Variants in SMARCC1 observed in about 807,000 individuals in gnomAD.
SMARCC1 encodes the protein SWI/SNF related BAF chromatin remodeling complex subunit C1.
A neutral mutation model predicts 147.4 loss-of-function variants in SMARCC1; 43 were observed. That is an observed-to-expected ratio of 0.29 (90% CI 0.23 to 0.38). The LOEUF (loss-of-function observed/expected upper bound fraction) is 0.38. SMARCC1 is among the 10% of genes least tolerant of loss of function. SMARCC1 has a pLI of 1.00. For synonymous variants in SMARCC1, 495 were observed against 484.4 expected (o/e 1.02, Z -0.29); for missense variants, 1,119 against 1,381.1 (o/e 0.81, Z 3.01).
At position 47,638,782 on chromosome 3, in the gene SMARCC1, T is replaced by G; in HGVS notation, c.2321-2A>C. ...CCATTTTTTCCTCTTCAGCTCCTTC[T>G]ACAAGTAAAAGAATAAGAACAAGTA... On this transcript the variant is annotated splice_acceptor_variant, in intron 21 of 27. Transcript: ENST00000254480. LOFTEE classifies it high-confidence loss of function. 1 of 1,608,946 alleles carries G rather than the reference T, an allele frequency of 6.2e-7. No individual in the cohort carries two copies. Among genetic ancestry groups the G allele is most frequent in the South Asian group, 1.1e-5 (1 of 90,974 alleles).
At chr3:47,650,202 A>C (rs1047492905) in intron 21 of SMARCC1, among the ~76,000 whole-genome samples, 1 of 151,476 alleles carries the variant, frequency 6.6e-6, no homozygotes. Flanking sequence ...CGAGAACCCC[A>C]GAGGCGGAGC....
At chr3:47,761,996 G>A (rs989083166) in intron 2 of SMARCC1, among the ~76,000 whole-genome samples, 1 of 152,082 alleles carries the variant, frequency 6.6e-6, no homozygotes, top group African/African-American at 2.4e-5. Context: ...TGACCAGCCT[G>A]GTCCAGAACT....
chr3:47,650,811 C>G (rs2033180574), intron 21 of SMARCC1, among the ~76,000 whole-genome samples: 1 of 139,180 alleles, frequency 7.2e-6, no homozygotes, highest in Non-Finnish European at 1.6e-5. Flanking sequence ...AAGACCCTGT[C>G]TCTTTAAAAA....
intron 11 of SMARCC1, among the ~76,000 whole-genome samples, chr3:47,695,597 T>C (rs1344904315): frequency 6.6e-6 from 1 of 151,352 alleles, no homozygotes; most frequent in Non-Finnish European, 1.5e-5. Context: ...TGAAACCCTG[T>C]CTCTACTAAA....
intron 24 of SMARCC1, among the ~76,000 whole-genome samples, chr3:47,630,814 G>A (rs1162456804): frequency 2.6e-5 from 4 of 152,194 alleles, no homozygotes; most frequent in African/African-American, 9.7e-5. Context: ...GGTAATCCCA[G>A]GACATTGGGA....
intron 2 of SMARCC1, among the ~76,000 whole-genome samples, chr3:47,757,866 C>G (rs1031308460): frequency 2.6e-5 from 4 of 151,304 alleles, no homozygotes; most frequent in African/African-American, 9.7e-5. Context: ...ATTGGTAGAA[C>G]TGCTGTGGAA....
intron 2 of SMARCC1, among the ~76,000 whole-genome samples, chr3:47,752,263 C>T (rs192961305): frequency 5.9e-5 from 9 of 152,088 alleles, no homozygotes; most frequent in Non-Finnish European, 4.4e-5. Flanking sequence ...CAAATGAAAA[C>T]GTGAGAAATC....
intron 21 of SMARCC1, among the ~76,000 whole-genome samples, chr3:47,644,279 G>A (rs2033089960): frequency 6.6e-6 from 1 of 151,992 alleles, no homozygotes; most frequent in Non-Finnish European, 1.5e-5. Flanking sequence ...CCAAGAGTTC[G>A]AGACCAGCCT....
intron 26 of SMARCC1, among the ~76,000 whole-genome samples, chr3:47,600,997 A>AGGAGAGAGAG (rs1559622849): frequency 6.9e-5 from 2 of 28,880 alleles, no homozygotes; most frequent in African/African-American, 1.5e-4. Flanking sequence ...GAGGAAGAAA[A>AGGAGAGAGAG]TGAGAGAGAG....
At chr3:47,664,996 AT>A (rs34171401) in intron 19 of SMARCC1, among the ~76,000 whole-genome samples, 1 of 151,496 alleles carries the variant, frequency 6.6e-6, no homozygotes, top group African/African-American at 2.4e-5. Flanking sequence ...TACTTCAAAG[AT>A]TTTTTTTTCT....
At chr3:47,713,711 A>G (rs2034119686) in intron 8 of SMARCC1, among the ~76,000 whole-genome samples, 1 of 152,144 alleles carries the variant, frequency 6.6e-6, no homozygotes, top group Non-Finnish European at 1.5e-5. Context: ...TTCCACATCA[A>G]AAGTTGATTA....
intron 2 of SMARCC1, among the ~76,000 whole-genome samples, chr3:47,769,042 C>G (rs2034874896): frequency 6.7e-6 from 1 of 150,272 alleles, no homozygotes; most frequent in Admixed American, 6.7e-5. Flanking sequence ...GAAACCTTGT[C>G]TCTACTAAAA....
intron 12 of SMARCC1, among the ~76,000 whole-genome samples, chr3:47,692,243 G>A (rs987612630): frequency 1.3e-5 from 2 of 152,102 alleles, no homozygotes; most frequent in African/African-American, 4.8e-5. Context: ...CCTATTTAAT[G>A]TTTAAGGAGA....
chr3:47,781,355 G>A (rs1176359516), intron 1 of SMARCC1, among the ~76,000 whole-genome samples: 1 of 152,230 alleles, frequency 6.6e-6, no homozygotes, highest in East Asian at 1.9e-4. Flanking sequence ...ACCTGCTCTG[G>A]CACACGAGAC....
intron 19 of SMARCC1, among the ~76,000 whole-genome samples, chr3:47,664,473 T>C (rs945282624): frequency 6.6e-6 from 1 of 152,154 alleles, no homozygotes; most frequent in Admixed American, 6.5e-5. Flanking sequence ...ACTACATACA[T>C]TTCTAGTTTT....
At chr3:47,663,326 TA>T (rs1016754857) in intron 19 of SMARCC1, among the ~76,000 whole-genome samples, 6 of 150,350 alleles carry the variant, frequency 4.0e-5, no homozygotes, top group South Asian at 2.1e-4. Flanking sequence ...AAGGAAGCTA[TA>T]AAAAAAAGTA....
chr3:47,596,578 A>T (rs1205204344), intron 26 of SMARCC1, among the ~76,000 whole-genome samples: 7 of 151,424 alleles, frequency 4.6e-5, no homozygotes, highest in African/African-American at 1.7e-4. Flanking sequence ...AAAAAAAAAA[A>T]ATAAATAAAT....
At chr3:47,643,949 G>A (rs536945248) in intron 21 of SMARCC1, among the ~76,000 whole-genome samples, 31 of 152,152 alleles carry the variant, frequency 2.0e-4, no homozygotes, top group Non-Finnish European at 3.5e-4. Flanking sequence ...TCAGCACTCT[G>A]GAAGGCTGGT....
intron 26 of SMARCC1, 69 bp downstream of exon 26, chr3:47,609,997 G>C: frequency 6.6e-7 from 1 of 1,511,156 alleles, no homozygotes; most frequent in Non-Finnish European, 9.1e-7. Context: ...CTGTGTGGTT[G>C]GCCCCAATGA....
Sources: allele counts gnomAD v4.1 joint callset (sites outside exome capture counted in the v4.1 genomes callset), GRCh38; gene constraint gnomAD v4.1.1; transcripts MANE v1.5; gene names NCBI Gene and HGNC (gene_info 2026-07-23, HGNC 2026-07-21).